Variants in KIF1A observed in about 807,000 individuals in gnomAD.
KIF1A encodes kinesin-like protein KIF1A.
In KIF1A, 46 loss-of-function variants were observed where a neutral mutation model predicts 227.3. The observed-to-expected ratio is 0.20, with a 90% confidence interval of 0.16 to 0.26. The LOEUF (loss-of-function observed/expected upper bound fraction) is 0.26. Among genes scored for constraint, KIF1A ranks in the 10% least tolerant of loss-of-function variants. The pLI, the probability that KIF1A is intolerant of heterozygous loss-of-function variation, is 1.00. For missense variants in KIF1A, 1,683 were observed against 2,485.9 expected (o/e 0.68, Z 6.87); for synonymous variants, 1,022 against 1,012.8 (o/e 1.01, Z -0.17).
Position 240,719,135 on chromosome 2 carries a change from C to A in KIF1A, c.5085G>T (p.Arg1695Ser). The A allele has an allele frequency of 6.2e-7, 1 of 1,612,546 alleles. No homozygotes were observed. Among genetic ancestry groups the A allele is most frequent in the South Asian group, 1.1e-5 (1 of 91,032 alleles). Residue 1695 changes from arginine (R) to serine (S), a missense_variant, in exon 47 of 49, where the codon AGG becomes AGT. By Grantham distance (110) the Arg-to-Ser change is moderately radical (BLOSUM62 -1). Transcript: ENST00000498729. Reference sequence around the variant, plus strand: ...AGGGGCGCCGCACCACCACGAAGCGCCTGGCCCAGCCTGACGTGTGCGGCT... The same window carrying A: ...AGGGGCGCCGCACCACCACGAAGCGACTGGCCCAGCCTGACGTGTGCGGCT... ...FLEPHTSGWA[R>S]RFVVVRRPYA...
intron 17 of KIF1A, among the ~76,000 whole-genome samples, chr2:240,767,669 G>A (rs557555718): frequency 6.6e-6 from 1 of 152,384 alleles, no homozygotes; most frequent in South Asian, 2.1e-4. Context: ...GCATGTGGGG[G>A]CCCTGGGGCC....
In KIF1A at chr2:240,775,429, C is replaced by T. The variant is rs2052603232; in HGVS notation, c.958+422G>A. Among the ~76,000 whole-genome samples the T allele has an allele frequency of 1.3e-5, 2 of 152,190 alleles. No individual in the cohort carries two copies. The highest frequency in any genetic ancestry group is 6.5e-5 in the Admixed American group (1 of 15,280). ...ACCTCCCCGTCTAAGTCTCACTGCT[C>T]AGAACTCAGACGGAGAAGAGGAGGT... On this transcript the variant is annotated intron_variant, in intron 11 of 48. Coordinates refer to ENST00000498729, the MANE Select transcript of KIF1A (RefSeq NM_001244008.2). This position sits in a 1 kb window ranked among gnomAD's most constrained non-coding sequence, Gnocchi z 5.5.
chr2:240,787,746 C>T (rs1450124173), intron 4 of KIF1A, among the ~76,000 whole-genome samples: 1 of 152,152 alleles, frequency 6.6e-6, no homozygotes, highest in Non-Finnish European at 1.5e-5. Flanking sequence ...CACTGCCAGC[C>T]CTCACACCTT....
At chr2:240,756,831 G>A (rs2049897464) in intron 27 of KIF1A, among the ~76,000 whole-genome samples, 1 of 152,226 alleles carries the variant, frequency 6.6e-6, no homozygotes, top group Admixed American at 6.5e-5. Flanking sequence ...CTGAGCTGGG[G>A]TGAGGCTGCC....
intron 28 of KIF1A, 122 bp downstream of exon 28, chr2:240,750,307 A>G: frequency 1.5e-6 from 1 of 681,574 alleles, no homozygotes; most frequent in Non-Finnish European, 2.5e-6. Context: ...AGCTGAGGCC[A>G]GCTTCCCACT....
At position 240,743,949 on chromosome 2, in the gene KIF1A, C is replaced by T. The variant is rs768492405; in HGVS notation, c.3577G>A (p.Val1193Met). Residue 1193 changes from valine (V) to methionine (M), a missense_variant, in exon 33 of 49, where the codon GTG becomes ATG. By Grantham distance (21) the Val-to-Met change is conservative. Transcript: ENST00000498729. ...QHPFPPLCKD[V>M]LSPLRPSRRH... The stretch of plus-strand genomic sequence containing the variant: ...CCGACCCAGGGCGCTAACCTGAGCA[C>T]GTCCTTGCAGAGGGGCGGGAACGGG... 15 of 1,611,502 alleles carry T rather than the reference C, an allele frequency of 9.3e-6. No individual in the cohort carries two copies. The highest frequency in any genetic ancestry group is 2.2e-5 in the South Asian group (2 of 91,022).
intron 2 of KIF1A, among the ~76,000 whole-genome samples, chr2:240,796,786 G>A (rs1399573352): frequency 2.0e-5 from 3 of 152,228 alleles, no homozygotes; most frequent in Non-Finnish European, 4.4e-5. Flanking sequence ...TCCATAGGAC[G>A]TGACAGAGCC....
Position 240,761,368 on chromosome 2 carries a change from GT to G in KIF1A, c.2125del (p.Thr709GlnfsTer44). ...GAGCGCCAGCTCACACTCCCGCTCT[GT>G]CCACTGGACTGTGGGGAGAGGTCAC... ...EEEPEDEVQW[T>X]ERECELALWA... is the part of the protein sequence containing the mutation. On this transcript the variant is annotated frameshift_variant, in exon 24 of 49. Coordinates refer to ENST00000498729, the MANE Select transcript of KIF1A (RefSeq NM_001244008.2). LOFTEE classifies it high-confidence loss of function. The G allele has an allele frequency of 1.2e-6, 2 of 1,607,138 alleles. No individual in the cohort carries two copies. The highest frequency in any genetic ancestry group is 1.7e-6 in the Non-Finnish European group (2 of 1,175,744).
chr2:240,756,924 C>G (rs544340507), intron 27 of KIF1A, among the ~76,000 whole-genome samples: 1 of 152,364 alleles, frequency 6.6e-6, no homozygotes, highest in East Asian at 1.9e-4. Flanking sequence ...CTATCAAATG[C>G]CCCTTGGGCC....
chr2:240,816,957 G>A (rs1418921255), intron 1 of KIF1A, among the ~76,000 whole-genome samples: 1 of 152,218 alleles, frequency 6.6e-6, no homozygotes, highest in African/African-American at 2.4e-5. Flanking sequence ...CCCTGGGGGT[G>A]GGGGCACTGG....
intron 1 of KIF1A, among the ~76,000 whole-genome samples, chr2:240,808,510 T>C (rs151210658): frequency 9.1e-4 from 24 of 26,412 alleles, no homozygotes; most frequent in Non-Finnish European, 2.2e-3. Flanking sequence ...AAAAAAAAAA[T>C]TTTTTTTTTT....
At chr2:240,804,216 C>T (rs1293261864) in intron 1 of KIF1A, among the ~76,000 whole-genome samples, 1 of 152,142 alleles carries the variant, frequency 6.6e-6, no homozygotes, top group Non-Finnish European at 1.5e-5. Context: ...CAGTGAGCCA[C>T]GATCACGCCA....
Position 240,785,016 on chromosome 2 carries a change from G to A in KIF1A, c.693C>T (p.Asp231=), listed in dbSNP as rs772411022. ...FNIIFTQKRH[D]AETNITTEKV... Reference sequence around the variant, plus strand: ...TCTCCGTGGTGATATTGGTCTCTGCGTCATGGCGCTTCTGGGTGAAGATGA... The same window carrying A: ...TCTCCGTGGTGATATTGGTCTCTGCATCATGGCGCTTCTGGGTGAAGATGA... Residue 231 remains aspartate (D), a synonymous_variant, in exon 7 of 49, where the codon GAC becomes GAT. Coordinates refer to ENST00000498729, the MANE Select transcript of KIF1A (RefSeq NM_001244008.2). The A allele has an allele frequency of 1.1e-5, 18 of 1,613,502 alleles. No individual in the cohort carries two copies. The highest frequency in any genetic ancestry group is 1.6e-4 in the Middle Eastern group (1 of 6,080).
In KIF1A at chr2:240,758,294, C is replaced by A; in HGVS notation, c.2582+66G>T. ...TCCTTGTATCAGGCCAGGGCCCACT[C>A]CTACCCCCACTGCCATCTCTCTCTC... On this transcript the variant is annotated intron_variant, in intron 26 of 48. Transcript: ENST00000498729. This position sits in a 1 kb window ranked among gnomAD's most constrained non-coding sequence, Gnocchi z 5.2. 4 of 1,553,346 alleles carry A rather than the reference C, an allele frequency of 2.6e-6. No individual in the cohort carries two copies. Among genetic ancestry groups the A allele is most frequent in the Non-Finnish European group, 3.5e-6 (4 of 1,146,912 alleles).
intron 45 of KIF1A, chr2:240,720,141 AGGGTCCCCCAGGAAC>A: frequency 2.2e-6 from 1 of 446,066 alleles, no homozygotes; most frequent in Non-Finnish European, 3.9e-6. Flanking sequence ...CTTGGTGGGC[AGGGTCCCCCAGGAAC>A]CTCGGGGCCC....
At chr2:240,724,256 C>T (rs2045731682) in intron 40 of KIF1A, 8 of 588,916 alleles carry the variant, frequency 1.4e-5, no homozygotes, top group Non-Finnish European at 1.9e-5. Context: ...TGCTCAGGTG[C>T]CCATGGGGCT....
chr2:240,770,772 T>C (rs1383355133), intron 15 of KIF1A, among the ~76,000 whole-genome samples, 199 bp downstream of exon 15: 1 of 152,188 alleles, frequency 6.6e-6, no homozygotes, highest in Non-Finnish European at 1.5e-5. Flanking sequence ...CCAAGTGAAC[T>C]GGCTGCCTTG....
chr2:240,731,418 G>C (rs1010575337), intron 38 of KIF1A, among the ~76,000 whole-genome samples: 1 of 152,178 alleles, frequency 6.6e-6, no homozygotes, highest in African/African-American at 2.4e-5. Context: ...CACCAGCAGC[G>C]CTGGGCTGCA....
rs1553632633 is a variant in KIF1A, at chr2:240,757,489, G to A, written c.2688C>T (p.Asp896=). ...TCTGCTCCTCGGCAGGCTCGGTGGC[G>A]TCGGAGTCGGGGCTCGAGAAGGTGG... The part of the protein sequence containing the change: ...PSPTFSSPDS[D]ATEPAEEQSV... The change falls in exon 27 of 49, where the codon GAC becomes GAT. Residue 896 remains aspartate (D), a synonymous_variant. Coordinates refer to ENST00000498729, the MANE Select transcript of KIF1A (RefSeq NM_001244008.2). The surrounding 1 kb of genome is among the most constrained non-coding windows in gnomAD (Gnocchi z 6.2). 11 of 1,550,544 alleles carry A rather than the reference G, an allele frequency of 7.1e-6. No homozygotes were observed. The highest frequency in any genetic ancestry group is 2.4e-5 in the East Asian group (1 of 40,898).
Sources: gnomAD v4.1 joint callset for allele counts (sites outside exome capture counted in the v4.1 genomes callset) on GRCh38, gnomAD v4.1.1 for gene constraint, Gnocchi (gnomAD v3.1) non-coding constraint, MANE v1.5 for transcripts, NCBI Gene and HGNC (gene_info 2026-07-23, HGNC 2026-07-21) for gene names.